Variants in HOMER2 observed in about 807,000 individuals in gnomAD.
The protein encoded by HOMER2 is homer scaffold protein 2, also known as homer protein homolog 2.
Under a neutral mutation model 47.0 loss-of-function variants are expected in HOMER2, and 27 were observed. That is an observed-to-expected ratio of 0.57 (90% CI 0.42 to 0.79). HOMER2 has a LOEUF of 0.79. Ranked by LOEUF, HOMER2 falls within the 30% of genes least tolerant of loss-of-function variation. The probability of loss-of-function intolerance (pLI) is 0.00; values close to 1 mark genes in which losing one functional copy is unlikely to be tolerated. For synonymous variants in HOMER2, 161 were observed against 163.8 expected, an observed-to-expected ratio of 0.98 and a Z score of 0.13; for missense variants, 443 against 435.0, an observed-to-expected ratio of 1.02 and a Z score of -0.16.
At chr15:82,848,147 C>T (rs1423586225), downstream of HOMER2, among the ~76,000 whole-genome samples, 2 of 152,168 alleles carry the variant, frequency 1.3e-5, no homozygotes, top group African/African-American at 2.4e-5. Flanking sequence ...GAGGCGTCTC[C>T]GTGAGGGGAA....
At chr15:82,845,955 C>T (rs2051240885), downstream of HOMER2, 2 of 152,296 alleles carry the variant, frequency 1.3e-5, no homozygotes, top group Admixed American at 1.3e-4. Flanking sequence ...ATGTAGTCCA[C>T]AGCAGGCAGG....
At chr15:82,850,873 CACCAGGGATCTGCAAGGAA>C in intron 8 of HOMER2, among the ~76,000 whole-genome samples, 1 of 152,354 alleles carries the variant, frequency 6.6e-6, no homozygotes. Flanking sequence ...TCCTCACCCC[CACCAGGGATCTGCAAGGAA>C]ACAGTCGTCT....
At chr15:82,974,573 G>C (rs995853110) in intron 1 of HOMER2, among the ~76,000 whole-genome samples, 1 of 152,190 alleles carries the variant, frequency 6.6e-6, no homozygotes, top group African/African-American at 2.4e-5. Context: ...CCCTAGGTAA[G>C]GGTCACAGTT....
chr15:82,874,789 G>A (rs1277822889), intron 3 of HOMER2, among the ~76,000 whole-genome samples: 1 of 152,200 alleles, frequency 6.6e-6, no homozygotes, highest in African/African-American at 2.4e-5. Context: ...TTCAAAAGGG[G>A]TAACATGCTT....
chr15:82,849,990 C>T, intron 8 of HOMER2, 87 bp from the exon 9 acceptor site: 2 of 1,374,416 alleles, frequency 1.5e-6, no homozygotes, highest in Admixed American at 1.9e-5. Flanking sequence ...CAACCATTCT[C>T]CATCCAATCT....
At chr15:82,946,832 G>C (rs962351195) in intron 1 of HOMER2, among the ~76,000 whole-genome samples, 41 of 152,134 alleles carry the variant, frequency 2.7e-4, no homozygotes, top group African/African-American at 9.9e-4. Flanking sequence ...GATACTAAGA[G>C]GGATGGCTGT....
At chr15:82,917,886 G>A (rs936250706) in intron 1 of HOMER2, among the ~76,000 whole-genome samples, 2 of 152,200 alleles carry the variant, frequency 1.3e-5, no homozygotes, top group African/African-American at 2.4e-5. Context: ...AAGGGCAAAA[G>A]TGAAATCAAC....
chr15:82,970,348 A>C lies in HOMER2; in HGVS notation n.83-11040T>G, dbSNP rs370091922. On this transcript the variant is annotated intron_variant and non_coding_transcript_variant, in intron 1 of 1. Coordinates refer to the HOMER2 transcript ENST00000500334. The stretch of plus-strand genomic sequence containing the variant: ...TGAGAGAGGTTTCTTATCGCCAGTG[A>C]TTTTATCACCAGGGCTCTGAAAAAT... Among the ~76,000 whole-genome samples the C allele has an allele frequency of 1.0e-3, 156 of 152,328 alleles. 3 individuals are homozygous for C. The South Asian group carries it at 0.028, about 28-fold the overall frequency.
intron 1 of HOMER2, among the ~76,000 whole-genome samples, chr15:82,924,005 G>A (rs2053796422): frequency 6.6e-6 from 1 of 152,208 alleles, no homozygotes; most frequent in African/African-American, 2.4e-5. Flanking sequence ...AAAGAGGTGA[G>A]AGAGAGGCGT....
chr15:82,978,200 A>G (rs2030271772), intron 1 of HOMER2, among the ~76,000 whole-genome samples: 1 of 152,174 alleles, frequency 6.6e-6, no homozygotes, highest in African/African-American at 2.4e-5. Context: ...ATCAATAAAT[A>G]TTAACCGAGC....
At chr15:82,852,503 A>G in intron 6 of HOMER2, 1 of 400,066 alleles carries the variant, frequency 2.5e-6, no homozygotes, top group Non-Finnish European at 4.4e-6. Context: ...CAAATAAGTA[A>G]TAAAGCCTGC....
intron 1 of HOMER2, among the ~76,000 whole-genome samples, chr15:82,971,455 C>T (rs2029985800): frequency 6.6e-6 from 1 of 152,056 alleles, no homozygotes; most frequent in Non-Finnish European, 1.5e-5. Flanking sequence ...GAAAGATAAA[C>T]AGAAGCTGTT....
intron 1 of HOMER2, among the ~76,000 whole-genome samples, chr15:82,973,578 C>T (rs919629194): frequency 6.6e-6 from 1 of 152,202 alleles, no homozygotes; most frequent in Non-Finnish European, 1.5e-5. Context: ...ATTAGAACCT[C>T]TCCCTTCTCA....
At chr15:82,939,998 A>T (rs536948846) in intron 1 of HOMER2, among the ~76,000 whole-genome samples, 1 of 152,204 alleles carries the variant, frequency 6.6e-6, no homozygotes, top group African/African-American at 2.4e-5. Context: ...GTTCTCACTC[A>T]TAAGTGGGAA....
intron 1 of HOMER2, among the ~76,000 whole-genome samples, chr15:82,932,354 G>A (rs1262947787): frequency 6.6e-6 from 1 of 152,110 alleles, no homozygotes; most frequent in Non-Finnish European, 1.5e-5. Context: ...AATCAGCCAG[G>A]CATGGTGGTG....
At chr15:82,931,824 C>A (rs986031132) in intron 1 of HOMER2, among the ~76,000 whole-genome samples, 5 of 152,102 alleles carry the variant, frequency 3.3e-5, no homozygotes, top group African/African-American at 4.8e-5. Context: ...GGCGACAGAG[C>A]GAGACTCCGT....
chr15:82,847,365 CT>C (rs2051267649), downstream of HOMER2: 1 of 152,254 alleles, frequency 6.6e-6, no homozygotes, highest in East Asian at 1.9e-4. Flanking sequence ...CCCAACTTAC[CT>C]TTCCCTTTAA....
chr15:82,836,589 C>T (rs1374781272), downstream of HOMER2, among the ~76,000 whole-genome samples: 1 of 152,246 alleles, frequency 6.6e-6, no homozygotes. Context: ...TGACCTCTCT[C>T]TCCTATACAG....
exon 2 of HOMER2, chr15:82,838,861 T>C (rs2051150688): frequency 1.3e-5 from 2 of 152,194 alleles, no homozygotes; most frequent in Non-Finnish European, 2.9e-5. Flanking sequence ...ACTCTTGAGC[T>C]GAGGGCTGGG....
Sources: allele counts gnomAD v4.1 joint callset (sites outside exome capture counted in the v4.1 genomes callset), GRCh38; gene constraint gnomAD v4.1.1; transcripts MANE v1.5; gene names NCBI Gene and HGNC (gene_info 2026-07-23, HGNC 2026-07-21).